SNX29: variants seen among roughly 807,000 people sequenced by gnomAD.
The protein encoded by SNX29 is sorting nexin-29.
SNX29 carries 78 observed loss-of-function variants against 102.1 expected under a neutral mutation model. The observed-to-expected ratio is 0.76, with a 90% confidence interval of 0.64 to 0.92. SNX29 has a LOEUF of 0.92. SNX29 is among the 40% of genes least tolerant of loss of function. The pLI is 0.00. For missense variants in SNX29, 1,280 were observed against 1,061.7 expected, an observed-to-expected ratio of 1.21 and a Z score of -2.86; for synonymous variants, 580 against 414.5, an observed-to-expected ratio of 1.40 and a Z score of -4.85.
chr16:12,518,973 C>T (rs1300355821), intron 19 of SNX29, among the ~76,000 whole-genome samples: 1 of 152,092 alleles, frequency 6.6e-6, no homozygotes, highest in East Asian at 1.9e-4. Flanking sequence ...ACTGCCTGTG[C>T]AAGGGGTATA....
At chr16:12,296,119 A>C (rs1567409142) in intron 15 of SNX29, among the ~76,000 whole-genome samples, 1 of 152,228 alleles carries the variant, frequency 6.6e-6, no homozygotes, top group Non-Finnish European at 1.5e-5. Flanking sequence ...AAAAGCTTTT[A>C]AAGTTAATGG....
intron 15 of SNX29, among the ~76,000 whole-genome samples, chr16:12,336,418 T>C (rs1409544745): frequency 2.0e-5 from 3 of 152,238 alleles, no homozygotes; most frequent in South Asian, 4.1e-4. Context: ...CACCGTGTTG[T>C]TGAGATTGGC....
rs147858656 is a variant in SNX29 at position 12,162,270 on chromosome 16, C to G, written c.1595+32512C>G. Among the ~76,000 whole-genome samples the G allele has an allele frequency of 3.2e-3, 493 of 152,322 alleles. 3 individuals carry two copies. The highest frequency in any genetic ancestry group is 0.011 in the African/African-American group (470 of 41,568). On this transcript the variant is annotated intron_variant, in intron 13 of 20. Transcript: ENST00000566228. ...CCGAGGGGCCTCGTCTGTTTACCCT[C>G]TCATCGTCCATCCTAGTACCATGCG...
intron 20 of SNX29, among the ~76,000 whole-genome samples, chr16:12,566,748 C>G (rs915685768): frequency 2.6e-5 from 4 of 152,202 alleles, no homozygotes; most frequent in African/African-American, 7.2e-5. Flanking sequence ...GGCCTGCAGC[C>G]AGACACCCAC....
At chr16:12,372,236 G>T (rs2082712133) in intron 16 of SNX29, among the ~76,000 whole-genome samples, 1 of 152,170 alleles carries the variant, frequency 6.6e-6, no homozygotes, top group Non-Finnish European at 1.5e-5. Flanking sequence ...CTTCAGTCAT[G>T]AATATATGTC....
rs776888338 is a variant in SNX29, at chr16:12,524,770, C to T, written c.2247C>T (p.Val749=). Residue 749 remains valine, a synonymous_variant, in exon 20 of 21, where the codon GTC becomes GTT. Coordinates refer to ENST00000566228, the MANE Select transcript of SNX29 (RefSeq NM_032167.5). ...QNYLRSVMNK[V]IQMVPEFAAS... The stretch of plus-strand genomic sequence containing the variant: ...ACCTGCGCAGCGTCATGAACAAAGT[C>T]ATCCAGATGGTCCCCGAGTTCGCTG... The T allele has an allele frequency of 6.2e-7, 1 of 1,613,832 alleles. No homozygotes were observed. The highest frequency in any genetic ancestry group is 8.5e-7 in the Non-Finnish European group (1 of 1,179,850).
Position 12,573,979 on chromosome 16 carries a change from C to A in SNX29, c.*5350C>A. The A allele has an allele frequency of 5.0e-6, 1 of 198,972 alleles. No homozygotes were observed. The highest frequency in any genetic ancestry group is 1.0e-5 in the Non-Finnish European group (1 of 96,220). 12.3% of individuals were successfully genotyped at this position (198,972 alleles called of 1,614,324 possible). A position where few individuals can be genotyped will look rare whatever the true frequency, so the allele number is the denominator to read the frequency against. Reference sequence around the variant, plus strand: ...CGATGGTAACCCCACTAGGGGGCGCCCATGATCGGCTCCCAGTGCACCCCC... The same window carrying A: ...CGATGGTAACCCCACTAGGGGGCGCACATGATCGGCTCCCAGTGCACCCCC... On this transcript the variant is annotated 3_prime_UTR_variant, in exon 21 of 21. Coordinates refer to ENST00000566228, the MANE Select transcript of SNX29 (RefSeq NM_032167.5).
At chr16:12,326,522 G>T (rs57011047) in intron 15 of SNX29, among the ~76,000 whole-genome samples, 17 of 152,066 alleles carry the variant, frequency 1.1e-4, no homozygotes, top group East Asian at 3.9e-4. Context: ...CAGCTCTGCC[G>T]GTGTGTCTCA....
chr16:12,275,725 A>C (rs1195582724), intron 14 of SNX29, among the ~76,000 whole-genome samples: 3 of 151,556 alleles, frequency 2.0e-5, no homozygotes, highest in Non-Finnish European at 4.4e-5. Context: ...GTCTTTATAA[A>C]AACCTTTTTT....
At chr16:12,153,716 G>A (rs909737643) in intron 13 of SNX29, among the ~76,000 whole-genome samples, 4 of 151,358 alleles carry the variant, frequency 2.6e-5, no homozygotes, top group Non-Finnish European at 5.9e-5. Context: ...GGCCTGAAGT[G>A]ATCCATCCAT....
chr16:12,450,115 C>T (rs1278377575), intron 18 of SNX29, among the ~76,000 whole-genome samples: 3 of 152,192 alleles, frequency 2.0e-5, no homozygotes, highest in South Asian at 2.1e-4. Context: ...TGGCTTTGCT[C>T]TTCCTTTGTC....
chr16:12,419,602 G>GT (rs1466085053), intron 18 of SNX29, among the ~76,000 whole-genome samples: 2 of 151,844 alleles, frequency 1.3e-5, no homozygotes, highest in African/African-American at 4.8e-5. Context: ...GTTGCTCTGT[G>GT]TTGGCTGTGT....
chr16:12,161,634 T>TTGGGTCACGGGGACAGG (rs2055788709), intron 13 of SNX29, among the ~76,000 whole-genome samples: 1 of 152,138 alleles, frequency 6.6e-6, no homozygotes, highest in Non-Finnish European at 1.5e-5. Flanking sequence ...ATGGGAAGTA[T>TTGGGTCACGGGGACAGG]TGGGTCACGG....
At position 12,570,298 on chromosome 16, in the gene SNX29, A is replaced by C; in HGVS notation, c.*1669A>C. The C allele has an allele frequency of 1.9e-6, 2 of 1,048,180 alleles. No individual in the cohort carries two copies. Among genetic ancestry groups the C allele is most frequent in the Non-Finnish European group, 2.3e-6 (2 of 863,792 alleles). The allele number at this position is 1,048,180 out of a possible 1,614,324, so 64.9% of individuals were successfully genotyped here. On this transcript the variant is annotated 3_prime_UTR_variant, in exon 21 of 21. Coordinates refer to ENST00000566228, the MANE Select transcript of SNX29 (RefSeq NM_032167.5). Reference sequence around the variant, plus strand: ...CCCTGCAGTCAGTTTGCGAGTGTGGAGGACCCGAGACATCCTGTAAAGGCA... The same window carrying C: ...CCCTGCAGTCAGTTTGCGAGTGTGGCGGACCCGAGACATCCTGTAAAGGCA...
chr16:12,401,941 C>T (rs567062268), intron 17 of SNX29, among the ~76,000 whole-genome samples: 78 of 152,252 alleles, frequency 5.1e-4, no homozygotes, highest in African/African-American at 1.8e-3. Flanking sequence ...GGGGTAACCT[C>T]GCTCTAACCC....
intron 1 of SNX29, among the ~76,000 whole-genome samples, chr16:11,994,538 C>T (rs1317828524): frequency 1.3e-5 from 2 of 152,234 alleles, no homozygotes; most frequent in Admixed American, 1.3e-4. Flanking sequence ...TGTATCCCTC[C>T]TCGGCCACTT....
intron 19 of SNX29, chr16:12,515,485 A>G: frequency 2.1e-6 from 1 of 485,418 alleles, no homozygotes. Context: ...ACTGAAACCC[A>G]TTCGCTTCTC....
chr16:12,518,359 C>T (rs765194960), intron 19 of SNX29, among the ~76,000 whole-genome samples: 33 of 152,186 alleles, frequency 2.2e-4, no homozygotes, highest in South Asian at 1.0e-3. Flanking sequence ...CCAGCCACAC[C>T]GGCTGCCTCC....
At chr16:11,991,271 G>C (rs952444285) in intron 1 of SNX29, among the ~76,000 whole-genome samples, 4 of 152,118 alleles carry the variant, frequency 2.6e-5, no homozygotes, top group South Asian at 4.1e-4. Flanking sequence ...TGCCCTTCCC[G>C]ATGCTCTAGC....
Sources: allele counts gnomAD v4.1 joint callset (sites outside exome capture counted in the v4.1 genomes callset), GRCh38; gene constraint gnomAD v4.1.1; transcripts MANE v1.5; gene names NCBI Gene and HGNC (gene_info 2026-07-23, HGNC 2026-07-21).